The following NLGN1 variants were observed in gnomAD, a reference collection of about 807,000 sequenced individuals.
The protein encoded by NLGN1 is neuroligin-1.
Under a neutral mutation model 65.5 loss-of-function variants are expected in NLGN1, and 12 were observed. The ratio of observed to expected loss-of-function variants is 0.18; its 90% confidence interval spans 0.12 to 0.30. NLGN1 has a LOEUF of 0.30. NLGN1 is among the 10% of genes least tolerant of loss of function. The pLI is 1.00. For synonymous variants in NLGN1, 350 were observed against 359.5 expected (o/e 0.97, Z 0.30); for missense variants, 750 against 1,007.1 (o/e 0.74, Z 3.46).
chr3:173,850,591 A>C (rs1278367520), intron 4 of NLGN1, among the ~76,000 whole-genome samples: 1 of 152,122 alleles, frequency 6.6e-6, no homozygotes, highest in Non-Finnish European at 1.5e-5. Context: ...GTGATTAGTG[A>C]ATTACCTCTA....
At chr3:173,900,159 A>G (rs981637684) in intron 4 of NLGN1, among the ~76,000 whole-genome samples, 4 of 152,122 alleles carry the variant, frequency 2.6e-5, no homozygotes, top group Non-Finnish European at 5.9e-5. Context: ...AAAAGAACTT[A>G]TAATTATATT....
chr3:173,580,262 A>C (rs1177570393), intron 2 of NLGN1, among the ~76,000 whole-genome samples: 3 of 152,110 alleles, frequency 2.0e-5, no homozygotes, highest in East Asian at 1.9e-4. Context: ...ATCATTTTCT[A>C]TTTGGTATAG....
intron 2 of NLGN1, among the ~76,000 whole-genome samples, chr3:173,581,926 T>A (rs1004002200): frequency 1.3e-5 from 2 of 152,022 alleles, no homozygotes; most frequent in Non-Finnish European, 2.9e-5. Flanking sequence ...TTGAAGCTTC[T>A]GGTGATGCCT....
intron 2 of NLGN1, among the ~76,000 whole-genome samples, chr3:173,539,317 C>G (rs1184455241): frequency 1.3e-5 from 2 of 150,764 alleles, no homozygotes; most frequent in African/African-American, 4.9e-5. Context: ...ACATTTGGGT[C>G]ACCTCTTTAT....
At chr3:173,736,123 G>A (rs895365270) in intron 3 of NLGN1, among the ~76,000 whole-genome samples, 2 of 151,976 alleles carry the variant, frequency 1.3e-5, no homozygotes, top group Non-Finnish European at 2.9e-5. Flanking sequence ...CAAGATAACA[G>A]CATTGTGAGA....
chr3:173,822,519 G>A, intron 4 of NLGN1, among the ~76,000 whole-genome samples: 1 of 152,004 alleles, frequency 6.6e-6, no homozygotes, highest in Non-Finnish European at 1.5e-5. Flanking sequence ...TTACCTTCTG[G>A]CTATGTGTAT....
At chr3:174,013,849 G>A (rs916316690) in intron 4 of NLGN1, among the ~76,000 whole-genome samples, 1 of 152,128 alleles carries the variant, frequency 6.6e-6, no homozygotes, top group East Asian at 1.9e-4. Context: ...ATGGAGCTGG[G>A]ACCATAGGCA....
At chr3:174,186,416 A>G (rs1342680215) in intron 4 of NLGN1, among the ~76,000 whole-genome samples, 1 of 152,078 alleles carries the variant, frequency 6.6e-6, no homozygotes. Context: ...TTAACAGTAT[A>G]GAAGTATGAA....
intron 4 of NLGN1, among the ~76,000 whole-genome samples, chr3:173,814,257 TTATAA>T (rs959260887): frequency 5.9e-5 from 9 of 152,376 alleles, no homozygotes; most frequent in African/African-American, 2.2e-4. Context: ...GTGATTTCAC[TTATAA>T]TAGGATAGAG....
In NLGN1 at chr3:173,942,573, A is replaced by C. The variant is rs1746353362; in HGVS notation, c.646+134741A>C. ...ACTTCATAGTTCAAGGTTTAGTTTC[A>C]ACGTTTTCTTTTTGCTTTGGAGGAA... On this transcript the variant is annotated intron_variant, in intron 4 of 6. Transcript: ENST00000457714. 2.0e-5 allele frequency among the ~76,000 whole-genome samples: 3 copies of C among 152,208 alleles called. No individual in the cohort carries two copies. The South Asian group carries it at 6.2e-4, about 32-fold the overall frequency.
intron 2 of NLGN1, among the ~76,000 whole-genome samples, chr3:173,577,586 G>T (rs374577873): frequency 3.3e-5 from 5 of 152,194 alleles, no homozygotes; most frequent in African/African-American, 1.2e-4. Context: ...AAAAGGCTGA[G>T]AGTCATGAAT....
At chr3:173,706,534 C>T (rs969405438) in intron 3 of NLGN1, among the ~76,000 whole-genome samples, 3 of 152,088 alleles carry the variant, frequency 2.0e-5, no homozygotes, top group Admixed American at 6.6e-5. Flanking sequence ...TTTCCACATC[C>T]CACAGTAGCA....
intron 4 of NLGN1, among the ~76,000 whole-genome samples, chr3:174,111,675 AGGTTATAGAAT>A (rs986788053): frequency 6.6e-6 from 1 of 151,960 alleles, no homozygotes; most frequent in Non-Finnish European, 1.5e-5. Flanking sequence ...AGTGAACACA[AGGTTATAGAAT>A]GGTAATTACA....
chr3:173,868,234 A>G (rs1730552910), intron 4 of NLGN1, among the ~76,000 whole-genome samples: 1 of 152,152 alleles, frequency 6.6e-6, no homozygotes, highest in East Asian at 1.9e-4. Context: ...TGGGCATGAG[A>G]GAAAGTGAAT....
chr3:173,622,623 A>G (rs1389285471), intron 3 of NLGN1, among the ~76,000 whole-genome samples: 2 of 152,080 alleles, frequency 1.3e-5, no homozygotes, highest in Non-Finnish European at 2.9e-5. Context: ...AAGATTCTAA[A>G]AAATGAACAG....
At chr3:173,900,090 A>C (rs1737056415) in intron 4 of NLGN1, among the ~76,000 whole-genome samples, 1 of 152,118 alleles carries the variant, frequency 6.6e-6, no homozygotes, top group Non-Finnish European at 1.5e-5. Flanking sequence ...ACAAAAGGGC[A>C]AAACTTTGGA....
intron 3 of NLGN1, among the ~76,000 whole-genome samples, chr3:173,764,529 TAAG>T (rs1300316395): frequency 6.6e-6 from 1 of 152,156 alleles, no homozygotes; most frequent in Non-Finnish European, 1.5e-5. Flanking sequence ...CCGAAGGAGT[TAAG>T]AAGACTCTGA....
At chr3:174,202,260 T>G (rs1328667938) in intron 4 of NLGN1, among the ~76,000 whole-genome samples, 1 of 152,202 alleles carries the variant, frequency 6.6e-6, no homozygotes, top group Admixed American at 6.5e-5. Context: ...ATTTTATTCT[T>G]GTTCCCTGCT....
chr3:173,990,484 A>C (rs1033673531), intron 4 of NLGN1, among the ~76,000 whole-genome samples: 2 of 152,194 alleles, frequency 1.3e-5, no homozygotes, highest in Non-Finnish European at 2.9e-5. Context: ...TGCAAATTTT[A>C]TATTACTATA....
Sources: gnomAD v4.1 joint callset for allele counts (sites outside exome capture counted in the v4.1 genomes callset) on GRCh38, gnomAD v4.1.1 for gene constraint, MANE v1.5 for transcripts, NCBI Gene and HGNC (gene_info 2026-07-23, HGNC 2026-07-21) for gene names.